Variants in FILIP1L observed in about 807,000 individuals in gnomAD.
The protein encoded by FILIP1L is filamin A-interacting protein 1-like.
In FILIP1L, 55 loss-of-function variants were observed where a neutral mutation model predicts 96.6. The observed-to-expected ratio is 0.57, with a 90% CI of 0.46 to 0.71. The LOEUF is 0.71. FILIP1L is among the 30% of genes least tolerant of loss of function. FILIP1L has a pLI of 0.00. For missense variants in FILIP1L, 1,304 were observed against 1,321.2 expected (o/e 0.99, Z 0.20); for synonymous variants, 467 against 473.9 (o/e 0.99, Z 0.19).
At chr3:100,049,293 A>C (rs1363507514) in intron 1 of FILIP1L, among the ~76,000 whole-genome samples, 1 of 152,208 alleles carries the variant, frequency 6.6e-6, no homozygotes, top group Non-Finnish European at 1.5e-5. Flanking sequence ...ATACTCAACA[A>C]AGATTAGAGG....
At chr3:99,971,942 A>T (rs754059785) in intron 1 of FILIP1L, among the ~76,000 whole-genome samples, 1 of 152,196 alleles carries the variant, frequency 6.6e-6, no homozygotes, top group Non-Finnish European at 1.5e-5. Flanking sequence ...ACCTAGATAT[A>T]TGTAGTCTTG....
At position 99,836,658 on chromosome 3, in the gene FILIP1L, G is replaced by T. The variant is rs559079122; in HGVS notation, c.3382-6053C>A. Reference sequence around the variant, plus strand: ...CATGTGCCCACATCCTCTGCACAAGGCCACTCTATCTTAATGATAAGAATA... The same window carrying T: ...CATGTGCCCACATCCTCTGCACAAGTCCACTCTATCTTAATGATAAGAATA... On this transcript the variant is annotated intron_variant, in intron 5 of 5. Transcript: ENST00000477258. 2.5e-4 allele frequency among the ~76,000 whole-genome samples: 38 copies of T among 152,256 alleles called. No individual in the cohort carries two copies. The South Asian group carries it at 6.4e-3, about 26-fold the overall frequency.
chr3:99,925,305 T>G lies in FILIP1L; in HGVS notation c.427-897A>C, dbSNP rs1707257021. 2.6e-5 allele frequency among the ~76,000 whole-genome samples: 4 copies of G among 152,196 alleles called. No homozygotes were observed. The South Asian group carries it at 8.3e-4, about 32-fold the overall frequency. On this transcript the variant is annotated intron_variant, in intron 3 of 5. Transcript: ENST00000477258. ...ATTTTCACAGCACTATACTTACATC[T>G]TTTTTACAAAATGATCAACCTGTGG...
intron 1 of FILIP1L, among the ~76,000 whole-genome samples, chr3:100,013,891 T>C (rs145032806): frequency 1.3e-5 from 2 of 152,254 alleles, no homozygotes; most frequent in East Asian, 3.9e-4. Context: ...TCACCGTGCT[T>C]CACAATAGAT....
rs561433978 is a variant in FILIP1L at position 99,914,310 on chromosome 3, G to T, written c.605+9920C>A. 2.0e-5 allele frequency among the ~76,000 whole-genome samples: 3 copies of T among 152,278 alleles called. No individual in the cohort carries two copies. The East Asian group carries it at 5.8e-4, about 29-fold the overall frequency. On this transcript the variant is annotated intron_variant, in intron 4 of 5. Coordinates refer to ENST00000477258, the MANE Select transcript of FILIP1L (RefSeq NM_001387850.1). ...GTTTTTTTATTTTTGGAAGACCAGT[G>T]ATGCTAGGCCATGAGAACCTGAATT...
At chr3:100,076,284 C>T (rs546143146) in intron 1 of FILIP1L, among the ~76,000 whole-genome samples, 1 of 151,920 alleles carries the variant, frequency 6.6e-6, no homozygotes, top group Non-Finnish European at 1.5e-5. Context: ...TATATTTTTC[C>T]CTCTCTAAAG....
At chr3:99,942,790 C>T (rs979972378) in intron 1 of FILIP1L, among the ~76,000 whole-genome samples, 2 of 151,786 alleles carry the variant, frequency 1.3e-5, no homozygotes, top group African/African-American at 2.4e-5. Flanking sequence ...CACAGTGCCA[C>T]TGCACTCTAG....
chr3:99,991,984 GTA>G (rs1023406741), intron 1 of FILIP1L, among the ~76,000 whole-genome samples: 1 of 148,658 alleles, frequency 6.7e-6, no homozygotes, highest in Admixed American at 6.8e-5. Context: ...ACATATATGT[GTA>G]TATATACGTA....
intron 1 of FILIP1L, among the ~76,000 whole-genome samples, chr3:99,943,860 G>A (rs182374718): frequency 6.6e-6 from 1 of 152,166 alleles, no homozygotes; most frequent in Non-Finnish European, 1.5e-5. Flanking sequence ...TACTTCCCTC[G>A]CAACTTCTGC....
intron 1 of FILIP1L, among the ~76,000 whole-genome samples, chr3:99,989,935 A>G (rs1426688252): frequency 2.0e-5 from 3 of 152,134 alleles, no homozygotes; most frequent in African/African-American, 7.2e-5. Context: ...GACACCTGGT[A>G]CGTGCTTAAG....
chr3:99,830,857 A>G (rs997379144), intron 5 of FILIP1L, among the ~76,000 whole-genome samples: 2 of 152,222 alleles, frequency 1.3e-5, no homozygotes, highest in African/African-American at 4.8e-5. Context: ...GATATTTGGC[A>G]ATCACGGTGT....
At chr3:99,847,690 T>C (rs1196657262) in intron 5 of FILIP1L, among the ~76,000 whole-genome samples, 1 of 152,180 alleles carries the variant, frequency 6.6e-6, no homozygotes, top group African/African-American at 2.4e-5. Context: ...AAGCATGAAG[T>C]TATGTTTGCT....
chr3:100,077,562 G>C (rs1440508258), intron 1 of FILIP1L, among the ~76,000 whole-genome samples: 2 of 152,176 alleles, frequency 1.3e-5, no homozygotes, highest in Non-Finnish European at 2.9e-5. Context: ...GGAATTGCAA[G>C]ATAGCCTTCA....
chr3:100,083,732 C>T (rs1472496398), intron 1 of FILIP1L, among the ~76,000 whole-genome samples: 4 of 151,960 alleles, frequency 2.6e-5, no homozygotes, highest in African/African-American at 7.3e-5. Context: ...TTAACATCAC[C>T]ATTTCTTTGT....
rs999936582 is a variant in FILIP1L at position 99,982,345 on chromosome 3, C to CT, written c.-10-51316dup. ...TCATTCACCATTAGGTAATTTTTTA[C>CT]TTTTTTTTTTTTGAGACAGGGTCTC... On this transcript the variant is annotated intron_variant, in intron 1 of 5. Coordinates refer to ENST00000477258, the MANE Select transcript of FILIP1L (RefSeq NM_001387850.1). Among the ~76,000 whole-genome samples, 161 of 144,252 alleles carry CT rather than the reference C, an allele frequency of 1.1e-3. 1 individual carries two copies. Among genetic ancestry groups the CT allele is most frequent in the South Asian group, 2.9e-3 (13 of 4,542 alleles). 94.6% of individuals were successfully genotyped at this position (144,252 alleles called of 152,430 possible).
intron 1 of FILIP1L, among the ~76,000 whole-genome samples, chr3:100,108,753 GC>G (rs1468926440): frequency 6.6e-6 from 1 of 152,148 alleles, no homozygotes; most frequent in Non-Finnish European, 1.5e-5. Flanking sequence ...ACAAATGTAT[GC>G]CCCTTCCAAA....
intron 5 of FILIP1L, among the ~76,000 whole-genome samples, chr3:99,845,878 G>A (rs1943342573): frequency 6.6e-6 from 1 of 152,196 alleles, no homozygotes; most frequent in East Asian, 1.9e-4. Flanking sequence ...TTCTAAAAGA[G>A]GTATTCCTTG....
At chr3:99,860,750 C>G (rs1307570423) in intron 4 of FILIP1L, among the ~76,000 whole-genome samples, 1 of 152,172 alleles carries the variant, frequency 6.6e-6, no homozygotes, top group African/African-American at 2.4e-5. Context: ...GGAGTGACAA[C>G]AAGTACAGCA....
At chr3:99,853,601 C>A (rs149507019) in intron 4 of FILIP1L, among the ~76,000 whole-genome samples, 24 of 152,298 alleles carry the variant, frequency 1.6e-4, no homozygotes, top group African/African-American at 4.8e-4. Context: ...GCATATTTTT[C>A]AGCCTGGGGC....
Sources: allele counts gnomAD v4.1 joint callset (sites outside exome capture counted in the v4.1 genomes callset), GRCh38; gene constraint gnomAD v4.1.1; transcripts MANE v1.5; gene names NCBI Gene and HGNC (gene_info 2026-07-23, HGNC 2026-07-21).